Variants in VPS13C observed in about 807,000 individuals in gnomAD.
VPS13C encodes vacuolar protein sorting 13 homolog C, also known as intermembrane lipid transfer protein VPS13C.
Under a neutral mutation model 456.8 loss-of-function variants are expected in VPS13C, and 358 were observed. The ratio of observed to expected loss-of-function variants is 0.78; its 90% CI spans 0.72 to 0.86. The LOEUF (loss-of-function observed/expected upper bound fraction) is 0.86. VPS13C is among the 40% of genes least tolerant of loss of function. VPS13C has a pLI of 0.00. For missense variants in VPS13C, 4,818 were observed against 4,385.4 expected (o/e 1.10, Z -2.79); for synonymous variants, 1,578 against 1,486.7 (o/e 1.06, Z -1.41).
intron 30 of VPS13C, 82 bp from the exon 31 acceptor site, chr15:61,964,943 A>C: frequency 1.2e-4 from 156 of 1,302,608 alleles, no homozygotes; most frequent in Non-Finnish European, 1.5e-4. Flanking sequence ...AAAGATTCTC[A>C]GGTGGGCTTA....
intron 81 of VPS13C, chr15:61,864,356 A>G (rs185275396): frequency 1.1e-6 from 1 of 894,174 alleles, no homozygotes; most frequent in South Asian, 5.2e-5. Flanking sequence ...TCTCAAAAGT[A>G]CTGTGACTTG....
chr15:62,058,688 T>C (rs183539833), intron 1 of VPS13C, among the ~76,000 whole-genome samples: 3 of 152,298 alleles, frequency 2.0e-5, no homozygotes, highest in Admixed American at 6.5e-5. Flanking sequence ...CAATCCCCCA[T>C]AGATACCAAG....
chr15:61,946,246 A>G, intron 44 of VPS13C, 61 bp downstream of exon 44: 1 of 1,253,310 alleles, frequency 8.0e-7, no homozygotes, highest in Non-Finnish European at 1.1e-6. Context: ...CAAATAAATA[A>G]TAGCATCTCA....
chr15:61,889,198 A>G (rs1896493036), intron 67 of VPS13C, among the ~76,000 whole-genome samples: 1 of 152,114 alleles, frequency 6.6e-6, no homozygotes, highest in Non-Finnish European at 1.5e-5. Context: ...TAAAGTAAAA[A>G]GTTTTATAGA....
Position 61,994,728 on chromosome 15 carries a change from T to A in VPS13C, c.1354-2926A>T, listed in dbSNP as rs567467147. 2.6e-5 allele frequency among the ~76,000 whole-genome samples: 4 copies of A among 152,154 alleles called. No homozygotes were observed. The East Asian group carries it at 7.7e-4, about 29-fold the overall frequency. On this transcript the variant is annotated intron_variant, in intron 16 of 84. Transcript: ENST00000644861. ...CCTCAGTCTCCCAAGTAGCTGAGATTACATGTGTGTGCCACCACACCCGGC... is the reference window on the plus strand; with the variant it reads ...CCTCAGTCTCCCAAGTAGCTGAGATAACATGTGTGTGCCACCACACCCGGC...
At position 62,007,610 on chromosome 15, in the gene VPS13C, G is replaced by C. The variant is rs977693772; in HGVS notation, c.1119-131C>G. 2.6e-5 allele frequency: 18 copies of C among 698,318 alleles called. No individual in the cohort carries two copies. The African/African-American group carries it at 2.6e-4, about 10-fold the overall frequency. The allele number at this position is 698,318 out of a possible 1,614,324, so 43.3% of individuals were successfully genotyped here. ...TTAACTGTCTTCCTATAAGAGCTCA[G>C]CAATTCCCAGTAAAATTGTCTGACT... On this transcript the variant is annotated intron_variant, in intron 14 of 84. Coordinates refer to ENST00000644861, the MANE Select transcript of VPS13C (RefSeq NM_020821.3).
intron 81 of VPS13C, chr15:61,864,291 T>C (rs1314926074): frequency 1.2e-6 from 1 of 833,928 alleles, no homozygotes; most frequent in South Asian, 5.6e-5. Context: ...GAGCATAAAA[T>C]AATTCAAGTA....
At position 61,966,099 on chromosome 15, in the gene VPS13C, GT is replaced by G; in HGVS notation, c.3034del (p.Thr1012LeufsTer12). The G allele has an allele frequency of 1.9e-6, 3 of 1,602,836 alleles. No homozygotes were observed. Among genetic ancestry groups the G allele is most frequent in the South Asian group, 2.2e-5 (2 of 89,034 alleles). ...ATTTCTTACCTTAACTGTTTGTTCAGTTTTTCCAAAAGCAGTTTGAAAACTA... is the reference window on the plus strand; with the variant it reads ...ATTTCTTACCTTAACTGTTTGTTCAGTTTTCCAAAAGCAGTTTGAAAACTA... ...GPSFQTAFGK[T>X]EQTVKVAFSS... is the part of the protein sequence containing the mutation. On this transcript the variant is annotated frameshift_variant, in exon 30 of 85. Coordinates refer to ENST00000644861, the MANE Select transcript of VPS13C (RefSeq NM_020821.3). LOFTEE classifies it high-confidence loss of function.
chr15:61,937,082 A>G (rs937870147), intron 47 of VPS13C, among the ~76,000 whole-genome samples: 24 of 152,030 alleles, frequency 1.6e-4, no homozygotes, highest in Non-Finnish European at 3.1e-4. Flanking sequence ...CTCTCATCTC[A>G]ACCAGTACCA....
intron 3 of VPS13C, among the ~76,000 whole-genome samples, chr15:62,038,598 A>G (rs1955293629): frequency 6.6e-6 from 1 of 152,202 alleles, no homozygotes; most frequent in Non-Finnish European, 1.5e-5. Context: ...AAATTAATTA[A>G]TTAATTTTTA....
rs199989576 is a variant in VPS13C at position 61,962,727 on chromosome 15, C to G, written c.3435+22G>C. ...ATATTCAGTCATTAAAGAATATTAA[C>G]TATCTGTTTACAATCACCTACTTTC... is the stretch of plus-strand genomic sequence containing the variant. On this transcript the variant is annotated intron_variant, in intron 33 of 84. Coordinates refer to ENST00000644861, the MANE Select transcript of VPS13C (RefSeq NM_020821.3). 1.8e-5 allele frequency: 27 copies of G among 1,500,124 alleles called. No homozygotes were observed. The East Asian group carries it at 6.2e-4, about 34-fold the overall frequency. 92.9% of individuals were successfully genotyped at this position (1,500,124 alleles called of 1,614,324 possible).
At chr15:61,866,741 C>T (rs1338183745) in intron 81 of VPS13C, 11 of 984,976 alleles carry the variant, frequency 1.1e-5, no homozygotes, top group Admixed American at 6.2e-5. Flanking sequence ...ATCTAGCACA[C>T]GCTGGTTTTT....
chr15:61,918,263 G>C lies in VPS13C; in HGVS notation c.7639-6C>G. ...ATGGAGAAATGGTTTTTGATCTGTTGGACAAAAAAAAATACAAGTTTTTTA... is the reference window on the plus strand; with the variant it reads ...ATGGAGAAATGGTTTTTGATCTGTTCGACAAAAAAAAATACAAGTTTTTTA... On this transcript the variant is annotated splice_polypyrimidine_tract_variant and splice_region_variant and intron_variant, in intron 58 of 84. Transcript: ENST00000644861. The C allele has an allele frequency of 6.6e-7, 1 of 1,524,714 alleles. No individual in the cohort carries two copies. Among genetic ancestry groups the C allele is most frequent in the Non-Finnish European group, 8.8e-7 (1 of 1,141,068 alleles). 94.4% of individuals were successfully genotyped at this position (1,524,714 alleles called of 1,614,324 possible). A position where few individuals can be genotyped will look rare whatever the true frequency, so the allele number is the denominator to read the frequency against.
chr15:61,969,272 T>C, intron 28 of VPS13C, 27 bp downstream of exon 28: 1 of 1,503,856 alleles, frequency 6.6e-7, no homozygotes, highest in East Asian at 2.3e-5. Flanking sequence ...TATTATAGGC[T>C]ATTATTTCTA....
chr15:62,060,445 T>G lies in VPS13C; in HGVS notation c.-71A>C, dbSNP rs1263884008. ...CGCAGCTGAGGGCTGCGACCAGCGC[T>G]GCAAATGACAGCCCCTCCGGCGCAG... is the stretch of plus-strand genomic sequence containing the variant. On this transcript the variant is annotated 5_prime_UTR_variant, in exon 1 of 85. Transcript: ENST00000644861. The G allele has an allele frequency of 4.0e-6, 3 of 754,276 alleles. No homozygotes were observed. The highest frequency in any genetic ancestry group is 1.9e-5 in the African/African-American group (1 of 53,110). The allele number at this position is 754,276 out of a possible 1,614,324, so 46.7% of individuals were successfully genotyped here.
intron 16 of VPS13C, among the ~76,000 whole-genome samples, chr15:61,996,760 G>A (rs1165075963): frequency 4.0e-5 from 6 of 150,996 alleles, no homozygotes; most frequent in South Asian, 2.1e-4. Context: ...GAAGATGACA[G>A]AAGAAAGACA....
chr15:61,934,022 C>G (rs1464064996), intron 49 of VPS13C, among the ~76,000 whole-genome samples, 197 bp downstream of exon 49: 1 of 151,958 alleles, frequency 6.6e-6, no homozygotes, highest in Non-Finnish European at 1.5e-5. Context: ...AGTACTTTGC[C>G]TTAGCCTTGG....
intron 27 of VPS13C, among the ~76,000 whole-genome samples, chr15:61,970,523 C>T (rs777041717): frequency 3.9e-5 from 6 of 152,046 alleles, no homozygotes; most frequent in Non-Finnish European, 7.4e-5. Context: ...AGGCCAAGTG[C>T]GGTGGCTCAT....
Position 61,974,308 on chromosome 15 carries a change from C to G in VPS13C, c.2518G>C (p.Ala840Pro). 3.1e-6 allele frequency: 5 copies of G among 1,611,882 alleles called. No individual in the cohort carries two copies. Among genetic ancestry groups the G allele is most frequent in the Non-Finnish European group, 4.2e-6 (5 of 1,178,620 alleles). Reference sequence around the variant, plus strand: ...TTTACCTGTCTCTCTGGAGACTGGGCTGATGATTTCTGTGGCAAAGGTATA... The same window carrying G: ...TTTACCTGTCTCTCTGGAGACTGGGGTGATGATTTCTGTGGCAAAGGTATA... ...NSIPLPQKSSAQSPERQVSSI... is the reference protein window; with the variant it reads ...NSIPLPQKSSPQSPERQVSSI... The change falls in exon 25 of 85, where the codon GCC becomes CCC. Residue 840 changes from alanine to proline, a missense_variant. Physicochemically the swap from Ala to Pro is conservative, Grantham distance 27. Coordinates refer to ENST00000644861, the MANE Select transcript of VPS13C (RefSeq NM_020821.3).
Sources: gnomAD v4.1 joint callset for allele counts (sites outside exome capture counted in the v4.1 genomes callset) on GRCh38, gnomAD v4.1.1 for gene constraint, MANE v1.5 for transcripts, NCBI Gene and HGNC (gene_info 2026-07-23, HGNC 2026-07-21) for gene names.